LARP4B: variants seen among roughly 807,000 people sequenced by gnomAD.
The protein encoded by LARP4B is La ribonucleoprotein 4B.
A neutral mutation model predicts 89.8 loss-of-function variants in LARP4B; 12 were observed. That is an observed-to-expected ratio of 0.13 (90% CI 0.09 to 0.22). The LOEUF (loss-of-function observed/expected upper bound fraction) is 0.22, where lower values mean the gene tolerates loss of function less well. Ranked by LOEUF, LARP4B falls within the 10% of genes least tolerant of loss-of-function variation. LARP4B has a pLI of 1.00. For missense variants in LARP4B, 757 were observed against 947.7 expected (o/e 0.80, Z 2.64); for synonymous variants, 367 against 363.3 (o/e 1.01, Z -0.12).
At chr10:972,021 CTCTCTCTT>C in the LARP4B span, 967 of 160,174 alleles carry the variant, frequency 6.0e-3, 15 homozygotes, top group African/African-American at 0.02. Context: ...ATTCCTCTCT[CTCTCTCTT>C]TATTTTTTTT....
At chr10:836,542 A>T (rs564159843) in intron 7 of LARP4B, 36 bp from the exon 8 acceptor site, 32,022 of 1,304,674 alleles carry the variant, frequency 0.025, 595 homozygotes, top group Admixed American at 0.068. Flanking sequence ...TGAAACAAAA[A>T]TATTAAAATA....
Position 909,210 on chromosome 10 carries a change from C to T in LARP4B, c.-40+22218G>A, listed in dbSNP as rs917667252. Among the ~76,000 whole-genome samples the T allele has an allele frequency of 2.7e-5, 4 of 148,326 alleles. No individual in the cohort carries two copies. In the Admixed American group the frequency reaches 2.8e-4, roughly 10 times the overall value. On this transcript the variant is annotated intron_variant, in intron 1 of 17. Transcript: ENST00000316157. ...TCGGGAGGCTGAGGCAGGAGAATGG[C>T]GTGAACCCGGGAGGTGGAGCTTGCG...
Position 829,727 on chromosome 10 carries a change from T to G in LARP4B, c.869A>C (p.Lys290Thr), listed in dbSNP as rs1376801902. ...AGTTTTGACTTCTTCTCGAAGGTAT[T>G]TGTAAGCCTAAGGGCAAAATTAAGT... ...ETEADAQQAY[K>T]YLREEVKTFQ... is the part of the protein sequence containing the mutation. The change falls in exon 10 of 18, where the codon AAA becomes ACA. Residue 290 changes from lysine (K) to threonine (T), a missense_variant. Lys to Thr is a moderately conservative substitution (Grantham distance 78). Coordinates refer to ENST00000316157, the MANE Select transcript of LARP4B (RefSeq NM_015155.3). 2 of 1,611,896 alleles carry G rather than the reference T, an allele frequency of 1.2e-6. No homozygotes were observed. The highest frequency in any genetic ancestry group is 2.7e-5 in the African/African-American group (2 of 74,912).
chr10:901,258 G>A (rs1398512792), intron 1 of LARP4B, among the ~76,000 whole-genome samples: 2 of 152,108 alleles, frequency 1.3e-5, no homozygotes, highest in South Asian at 2.1e-4. Flanking sequence ...TGATTCCCAC[G>A]TGCATATCTA....
chr10:949,252 C>A, the LARP4B span, among the ~76,000 whole-genome samples: 1 of 146,012 alleles, frequency 6.8e-6, no homozygotes, highest in Admixed American at 6.8e-5. Flanking sequence ...ACCAGCCCCG[C>A]GTGAGTGAGT....
At chr10:899,253 T>C (rs753484793) in intron 1 of LARP4B, among the ~76,000 whole-genome samples, 2 of 152,226 alleles carry the variant, frequency 1.3e-5, no homozygotes, top group Non-Finnish European at 2.9e-5. Flanking sequence ...TCTTCAAGTA[T>C]ATTGATGATT....
At chr10:938,484 C>A in the LARP4B span, among the ~76,000 whole-genome samples, 5 of 151,958 alleles carry the variant, frequency 3.3e-5, no homozygotes, top group Non-Finnish European at 5.9e-5. Context: ...TGATCTCCTG[C>A]TCTTGTGATC....
chr10:895,655 A>G (rs1324916879), intron 1 of LARP4B, among the ~76,000 whole-genome samples: 1 of 151,318 alleles, frequency 6.6e-6, no homozygotes, highest in African/African-American at 2.4e-5. Context: ...CCTGGGCAAC[A>G]GAGCAAGAGT....
At chr10:858,067 A>G (rs1020750087) in intron 5 of LARP4B, among the ~76,000 whole-genome samples, 2 of 152,160 alleles carry the variant, frequency 1.3e-5, no homozygotes, top group African/African-American at 4.8e-5. Flanking sequence ...ATCTGACCTG[A>G]AACAAAATTA....
the LARP4B span, chr10:972,357 A>G: frequency 1.2e-5 from 5 of 400,838 alleles, no homozygotes; most frequent in Admixed American, 1.2e-4. Context: ...CACTTCCACC[A>G]GGGGAAGGCC....
intron 1 of LARP4B, among the ~76,000 whole-genome samples, chr10:918,632 CAAA>C (rs57396015): frequency 2.3e-4 from 11 of 48,354 alleles, no homozygotes; most frequent in East Asian, 6.7e-4. Flanking sequence ...GACCCTGTCT[CAAA>C]AAAAAAAAAA....
chr10:942,969 CAG>C, the LARP4B span, among the ~76,000 whole-genome samples: 1 of 141,328 alleles, frequency 7.1e-6, no homozygotes, highest in African/African-American at 2.6e-5. Context: ...TTTTTTGAGA[CAG>C]AGTCTCACTC....
chr10:949,579 C>T, the LARP4B span, among the ~76,000 whole-genome samples: 1 of 152,254 alleles, frequency 6.6e-6, no homozygotes, highest in Non-Finnish European at 1.5e-5. Flanking sequence ...GGTGAGTGAT[C>T]TGCTCTCCCC....
intron 1 of LARP4B, among the ~76,000 whole-genome samples, chr10:928,546 A>G (rs773477067): frequency 9.2e-5 from 14 of 152,146 alleles, no homozygotes; most frequent in African/African-American, 2.4e-4. Flanking sequence ...GGCACTGTTC[A>G]TTGTAAACAC....
chr10:960,052 T>C, the LARP4B span, among the ~76,000 whole-genome samples: 1 of 152,074 alleles, frequency 6.6e-6, no homozygotes, highest in Non-Finnish European at 1.5e-5. Flanking sequence ...TGTTCAACAA[T>C]AGAAAGAATG....
intron 1 of LARP4B, among the ~76,000 whole-genome samples, chr10:906,832 C>G (rs914570013): frequency 3.5e-4 from 53 of 152,212 alleles, no homozygotes; most frequent in African/African-American, 1.2e-3. Context: ...AACTTCTGCT[C>G]AAGTTTCTAT....
At chr10:861,878 G>A (rs1834631425) in intron 5 of LARP4B, among the ~76,000 whole-genome samples, 1 of 152,046 alleles carries the variant, frequency 6.6e-6, no homozygotes, top group African/African-American at 2.4e-5. Context: ...CTACCATTAG[G>A]ATTCTCACTC....
At chr10:819,236 G>T (rs1288459558) in intron 14 of LARP4B, 2 of 152,224 alleles carry the variant, frequency 1.3e-5, no homozygotes, top group African/African-American at 4.8e-5. Context: ...CATTATTAGA[G>T]AGACAGCCTT....
intron 6 of LARP4B, among the ~76,000 whole-genome samples, chr10:844,358 C>T (rs541962439): frequency 1.3e-5 from 2 of 152,350 alleles, no homozygotes; most frequent in Admixed American, 6.5e-5. Flanking sequence ...GCCCCTCACA[C>T]CTCCACCTCA....
Sources: allele counts gnomAD v4.1 joint callset (sites outside exome capture counted in the v4.1 genomes callset), GRCh38; gene constraint gnomAD v4.1.1; transcripts MANE v1.5; gene names NCBI Gene and HGNC (gene_info 2026-07-23, HGNC 2026-07-21).